The following PTPRZ1 variants were observed in gnomAD, a reference collection of about 807,000 sequenced individuals.
PTPRZ1 encodes receptor-type tyrosine-protein phosphatase zeta.
Under a neutral mutation model 214.1 loss-of-function variants are expected in PTPRZ1, and 82 were observed. The observed-to-expected ratio is 0.38, with a 90% CI of 0.32 to 0.46. The LOEUF (loss-of-function observed/expected upper bound fraction) is 0.46. PTPRZ1 is among the 20% of genes least tolerant of loss of function. PTPRZ1 has a pLI of 1.00. For missense variants in PTPRZ1, 2,603 were observed against 2,748.7 expected, an observed-to-expected ratio of 0.95 and a Z score of 1.19; for synonymous variants, 945 against 987.9, an observed-to-expected ratio of 0.96 and a Z score of 0.81.
At position 122,010,410 on chromosome 7, in the gene PTPRZ1, G is replaced by A. The variant is rs1042097937; in HGVS notation, c.1364G>A (p.Arg455Lys). The A allele has an allele frequency of 6.2e-7, 1 of 1,613,858 alleles. No individual in the cohort carries two copies. The highest frequency in any genetic ancestry group is 8.5e-7 in the Non-Finnish European group (1 of 1,179,948). The change falls in exon 12 of 30, where the codon AGG becomes AAG. Residue 455 changes from arginine to lysine, a missense_variant. Arg to Lys is a conservative substitution (Grantham distance 26). Around this residue, in one of 6 missense-constraint regions of PTPRZ1, gnomAD observed 1,913 missense variants for 1,914.3 expected, o/e 1.00. Coordinates refer to ENST00000393386, the MANE Select transcript of PTPRZ1 (RefSeq NM_002851.3). The part of the protein sequence containing the change: ...PGRDSATNQI[R>K]KKEPQISTTT... ...AGAGACAGTGCTACAAACCAAATCA[G>A]GAAAAAGGAACCCCAGATTTCTACC...
chr7:121,917,550 C>A (rs1795461877), intron 1 of PTPRZ1, among the ~76,000 whole-genome samples: 1 of 152,090 alleles, frequency 6.6e-6, no homozygotes, highest in African/African-American at 2.4e-5. Flanking sequence ...AAAGAAAAAA[C>A]CCAAATGCCT....
At chr7:121,941,988 G>A (rs1489298299) in intron 2 of PTPRZ1, among the ~76,000 whole-genome samples, 4 of 152,196 alleles carry the variant, frequency 2.6e-5, no homozygotes, top group Non-Finnish European at 5.9e-5. Context: ...CTTCTCTGCT[G>A]TGACACAATA....
At chr7:121,893,313 G>A (rs1202896308) in intron 1 of PTPRZ1, among the ~76,000 whole-genome samples, 2 of 152,124 alleles carry the variant, frequency 1.3e-5, no homozygotes, top group African/African-American at 4.8e-5. Context: ...TCTTTTCCTT[G>A]TCAGTCCAGA....
At chr7:121,913,206 G>T (rs1315450792) in intron 1 of PTPRZ1, among the ~76,000 whole-genome samples, 1 of 152,162 alleles carries the variant, frequency 6.6e-6, no homozygotes, top group Non-Finnish European at 1.5e-5. Context: ...GGGTGAGGAG[G>T]CAGAGAAAGG....
intron 2 of PTPRZ1, among the ~76,000 whole-genome samples, chr7:121,929,078 CT>C (rs1795848169): frequency 2.6e-5 from 4 of 152,088 alleles, no homozygotes; most frequent in Admixed American, 6.6e-5. Flanking sequence ...GATGTATTTT[CT>C]TTCTTCTTTT....
intron 1 of PTPRZ1, among the ~76,000 whole-genome samples, chr7:121,880,416 A>G (rs1009040241): frequency 5.9e-5 from 9 of 152,232 alleles, no homozygotes; most frequent in Middle Eastern, 3.4e-3. Context: ...TCTTGGAGAA[A>G]CATTCTACCC....
At chr7:121,915,385 GA>G (rs1795396460) in intron 1 of PTPRZ1, among the ~76,000 whole-genome samples, 1 of 152,126 alleles carries the variant, frequency 6.6e-6, no homozygotes, top group African/African-American at 2.4e-5. Context: ...ATCCTCACAA[GA>G]AACATTCATT....
rs115701941 is a variant in PTPRZ1 at position 121,932,856 on chromosome 7, T to C, written c.124+4635T>C. ...GTAATACTCTTTTAGTTGTGTTTTA[T>C]GCATAGGTTAAGAAAAACTTTCTAT... is the stretch of plus-strand genomic sequence containing the variant. On this transcript the variant is annotated intron_variant, in intron 2 of 29. Transcript: ENST00000393386. Among the ~76,000 whole-genome samples, 442 of 152,302 alleles carry C rather than the reference T, an allele frequency of 2.9e-3. 2 individuals carry two copies. The highest frequency in any genetic ancestry group is 1.0e-2 in the African/African-American group (414 of 41,566).
chr7:121,903,191 G>A (rs185945634), intron 1 of PTPRZ1, among the ~76,000 whole-genome samples: 120 of 152,154 alleles, frequency 7.9e-4, no homozygotes, highest in Non-Finnish European at 1.2e-3. Context: ...ATTAAGGTTG[G>A]GCAACTGTGT....
At chr7:121,885,376 A>G (rs938656811) in intron 1 of PTPRZ1, among the ~76,000 whole-genome samples, 1 of 152,208 alleles carries the variant, frequency 6.6e-6, no homozygotes, top group Non-Finnish European at 1.5e-5. Context: ...GAGAATTTTG[A>G]ACGTAGATGG....
chr7:121,994,258 C>T (rs1173572820), intron 8 of PTPRZ1, among the ~76,000 whole-genome samples: 1 of 116,084 alleles, frequency 8.6e-6, no homozygotes, highest in East Asian at 2.5e-4. Context: ...GATTGTTATG[C>T]TTTGTATGTA....
intron 2 of PTPRZ1, among the ~76,000 whole-genome samples, chr7:121,941,231 G>T (rs1389175069): frequency 6.6e-6 from 1 of 152,218 alleles, no homozygotes; most frequent in East Asian, 1.9e-4. Flanking sequence ...AAGAGACGTA[G>T]TCATTTGCCT....
intron 1 of PTPRZ1, among the ~76,000 whole-genome samples, chr7:121,909,925 A>T (rs2116303333): frequency 6.6e-6 from 1 of 152,324 alleles, no homozygotes; most frequent in East Asian, 1.9e-4. Flanking sequence ...TGAGTCTGGC[A>T]GTAGTCCTTG....
intron 1 of PTPRZ1, among the ~76,000 whole-genome samples, chr7:121,900,541 A>G (rs903538917): frequency 7.2e-5 from 11 of 152,180 alleles, no homozygotes; most frequent in Admixed American, 7.2e-4. Context: ...ATGATGTACA[A>G]TTGGCAAAGA....
At chr7:122,035,002 C>CT in intron 17 of PTPRZ1, among the ~76,000 whole-genome samples, 1 of 151,946 alleles carries the variant, frequency 6.6e-6, no homozygotes, top group Non-Finnish European at 1.5e-5. Context: ...CTTCTGGTTG[C>CT]ATTTGTTCCC....
chr7:121,889,319 G>A (rs1224795188), intron 1 of PTPRZ1, among the ~76,000 whole-genome samples: 1 of 152,016 alleles, frequency 6.6e-6, no homozygotes, highest in Non-Finnish European at 1.5e-5. Flanking sequence ...AAGCAGAAAG[G>A]GCTGTAAAAT....
chr7:122,014,178 G>C (rs922687903), intron 12 of PTPRZ1, among the ~76,000 whole-genome samples: 1 of 151,866 alleles, frequency 6.6e-6, no homozygotes, highest in Admixed American at 6.6e-5. Context: ...ATGGGTGGGG[G>C]CAATTCTGTT....
chr7:122,050,461 AG>A (rs1554371154), intron 23 of PTPRZ1, among the ~76,000 whole-genome samples: 25 of 114,354 alleles, frequency 2.2e-4, no homozygotes, highest in South Asian at 3.7e-4. Context: ...AGGGAAAAGG[AG>A]AGGAGGGGAG....
chr7:121,933,082 A>G (rs1293697129), intron 2 of PTPRZ1, among the ~76,000 whole-genome samples: 2 of 151,998 alleles, frequency 1.3e-5, no homozygotes, highest in African/African-American at 4.8e-5. Flanking sequence ...TAAGGGTTTC[A>G]GAAAATAAAT....
Sources: allele counts gnomAD v4.1 joint callset (sites outside exome capture counted in the v4.1 genomes callset), GRCh38; gene constraint gnomAD v4.1.1; regional missense constraint gnomAD v4.1.1; transcripts MANE v1.5; gene names NCBI Gene and HGNC (gene_info 2026-07-23, HGNC 2026-07-21).